Variants in RNF111 observed in about 807,000 individuals in gnomAD.
RNF111 encodes the protein E3 ubiquitin-protein ligase Arkadia.
RNF111 carries 17 observed loss-of-function variants against 95.1 expected under a neutral mutation model. The observed-to-expected ratio is 0.18, with a 90% CI of 0.12 to 0.27. RNF111 has a LOEUF of 0.27. RNF111 is among the 10% of genes least tolerant of loss of function. The pLI is 1.00. For synonymous variants in RNF111, 440 were observed against 414.8 expected, an observed-to-expected ratio of 1.06 and a Z score of -0.74; for missense variants, 1,189 against 1,210.4, an observed-to-expected ratio of 0.98 and a Z score of 0.26.
intron 13 of RNF111, 124 bp downstream of exon 13, chr15:59,092,764 C>T (rs1422002656): frequency 1.1e-6 from 1 of 932,522 alleles, no homozygotes; most frequent in Non-Finnish European, 1.5e-6. Context: ...GAGGCCAAGG[C>T]CAGAGGCTCT....
intron 9 of RNF111, among the ~76,000 whole-genome samples, chr15:59,085,335 A>AT (rs2078866910): frequency 6.6e-6 from 1 of 152,196 alleles, no homozygotes; most frequent in Admixed American, 6.5e-5. Flanking sequence ...AAAAAAGTAA[A>AT]TTCTATGTTG....
At chr15:59,008,884 T>C (rs1346988924) in intron 1 of RNF111, among the ~76,000 whole-genome samples, 1 of 152,242 alleles carries the variant, frequency 6.6e-6, no homozygotes, top group Admixed American at 6.6e-5. Flanking sequence ...ATGTATAATA[T>C]GAGAAACTTA....
At chr15:59,090,039 C>T (rs148030046) in intron 11 of RNF111, among the ~76,000 whole-genome samples, 1 of 152,078 alleles carries the variant, frequency 6.6e-6, no homozygotes, top group Non-Finnish European at 1.5e-5. Flanking sequence ...TATAACTATA[C>T]CATTAAATGT....
At chr15:59,029,940 CATTT>C (rs1436528308) in intron 1 of RNF111, among the ~76,000 whole-genome samples, 2 of 152,144 alleles carry the variant, frequency 1.3e-5, no homozygotes, top group Non-Finnish European at 2.9e-5. Flanking sequence ...TAAAGCTCTT[CATTT>C]GTCACATTTA....
At chr15:59,083,229 C>T (rs535922688) in intron 8 of RNF111, among the ~76,000 whole-genome samples, 24 of 152,012 alleles carry the variant, frequency 1.6e-4, no homozygotes, top group African/African-American at 5.5e-4. Flanking sequence ...AGAGAAAATA[C>T]AGTAAACTGG....
intron 2 of RNF111, among the ~76,000 whole-genome samples, chr15:59,040,604 A>G (rs2041402880): frequency 6.6e-6 from 1 of 152,236 alleles, no homozygotes; most frequent in African/African-American, 2.4e-5. Flanking sequence ...TCTTAACAAT[A>G]TTAACCATTG....
intron 1 of RNF111, among the ~76,000 whole-genome samples, chr15:59,019,409 T>A (rs1374773194): frequency 4.6e-5 from 7 of 152,022 alleles, no homozygotes; most frequent in African/African-American, 9.7e-5. Context: ...TTTATAGTTT[T>A]AAAAAAAATT....
chr15:59,034,602 C>G (rs1198671769), intron 2 of RNF111, among the ~76,000 whole-genome samples: 10 of 152,148 alleles, frequency 6.6e-5, no homozygotes, highest in African/African-American at 2.4e-4. Context: ...TATAGTTAAA[C>G]TGAAATATTA....
At chr15:59,087,322 T>G (rs142933797) in intron 10 of RNF111, among the ~76,000 whole-genome samples, 37 of 152,328 alleles carry the variant, frequency 2.4e-4, no homozygotes, top group African/African-American at 8.2e-4. Flanking sequence ...AGAACTGGCT[T>G]GAAAAGTTGA....
chr15:59,011,355 C>T (rs1225925805), intron 1 of RNF111, among the ~76,000 whole-genome samples: 2 of 152,180 alleles, frequency 1.3e-5, no homozygotes, highest in African/African-American at 4.8e-5. Flanking sequence ...CTATAACTTC[C>T]TCAGGACTGG....
At chr15:58,997,028 T>G (rs1300759563) in intron 1 of RNF111, among the ~76,000 whole-genome samples, 1 of 152,204 alleles carries the variant, frequency 6.6e-6, no homozygotes, top group Non-Finnish European at 1.5e-5. Context: ...TACTTATATT[T>G]CTACTAATAT....
At chr15:59,025,098 T>C (rs2040535118) in intron 1 of RNF111, among the ~76,000 whole-genome samples, 1 of 152,238 alleles carries the variant, frequency 6.6e-6, no homozygotes, top group Admixed American at 6.5e-5. Context: ...TTCCACCTTT[T>C]GGTTTTTGCA....
chr15:59,001,569 T>A (rs545599439), intron 1 of RNF111, among the ~76,000 whole-genome samples: 12 of 152,276 alleles, frequency 7.9e-5, no homozygotes, highest in Non-Finnish European at 1.5e-4. Flanking sequence ...CAGGAAAAAG[T>A]TATATTAGTG....
rs536602671 is a variant in RNF111, at chr15:59,027,433, G to C, written c.-19-3371G>C. Among the ~76,000 whole-genome samples, 6 of 152,080 alleles carry C rather than the reference G, an allele frequency of 3.9e-5. No homozygotes were observed. The East Asian group carries it at 1.2e-3, about 29-fold the overall frequency. On this transcript the variant is annotated intron_variant, in intron 1 of 13. Transcript: ENST00000348370. ...AGTTTTATTGAGATTTTATTTCACT[G>C]GGTTTTTAGTATATTCACAGAGTTG... is the stretch of plus-strand genomic sequence containing the variant.
intron 9 of RNF111, among the ~76,000 whole-genome samples, chr15:59,084,597 A>G (rs1378160078): frequency 2.6e-5 from 4 of 152,226 alleles, no homozygotes; most frequent in Non-Finnish European, 4.4e-5. Flanking sequence ...ATCACCTCCA[A>G]TATTGATCAT....
At chr15:59,003,853 A>G (rs2039428648) in intron 1 of RNF111, 1 of 153,280 alleles carries the variant, frequency 6.5e-6, no homozygotes, top group Admixed American at 6.5e-5. Flanking sequence ...ATAGGCTTTC[A>G]ATAAATATTT....
intron 1 of RNF111, among the ~76,000 whole-genome samples, chr15:59,018,312 C>G (rs1270841658): frequency 6.6e-6 from 1 of 152,086 alleles, no homozygotes; most frequent in African/African-American, 2.4e-5. Flanking sequence ...TGAGTTTCTG[C>G]CCTATTCTGT....
rs1350888531 is a variant in RNF111 at position 59,082,300 on chromosome 15, G to A, written c.2297+1016G>A. Among the ~76,000 whole-genome samples, 4 of 152,128 alleles carry A rather than the reference G, an allele frequency of 2.6e-5. No individual in the cohort carries two copies. The South Asian group carries it at 8.3e-4, about 32-fold the overall frequency. On this transcript the variant is annotated intron_variant, in intron 8 of 13. Coordinates refer to ENST00000348370, the MANE Select transcript of RNF111 (RefSeq NM_017610.8). ...AAAAGTACCCAGACTGGTCTGATGT[G>A]AGCTAATCTTTTGTCTGTGTGTTTC...
At chr15:59,022,888 A>C (rs2040413480) in intron 1 of RNF111, among the ~76,000 whole-genome samples, 1 of 152,230 alleles carries the variant, frequency 6.6e-6, no homozygotes, top group Non-Finnish European at 1.5e-5. Flanking sequence ...CAGCTGGTTA[A>C]TGCAGAAGTA....
Sources: gnomAD v4.1 joint callset for allele counts (sites outside exome capture counted in the v4.1 genomes callset) on GRCh38, gnomAD v4.1.1 for gene constraint, MANE v1.5 for transcripts, NCBI Gene and HGNC (gene_info 2026-07-23, HGNC 2026-07-21) for gene names.